The following PSPC1 variants were observed in gnomAD, a reference collection of about 807,000 sequenced individuals.
PSPC1 encodes paraspeckle component 1.
A neutral mutation model predicts 51.6 loss-of-function variants in PSPC1; 14 were observed. That is an observed-to-expected ratio of 0.27 (90% CI 0.18 to 0.42). PSPC1 has a LOEUF of 0.42. Among genes scored for constraint, PSPC1 ranks in the 10% least tolerant of loss-of-function variants. The pLI, the probability that PSPC1 is intolerant of heterozygous loss-of-function variation, is 1.00. For synonymous variants in PSPC1, 193 were observed against 231.9 expected (o/e 0.83, Z 1.53); for missense variants, 406 against 701.1 (o/e 0.58, Z 4.75).
rs1882901668 is a variant in PSPC1, at chr13:19,722,584, AGG to A, written c.1158+7653_1158+7654del. ...TGAGGTAGGTGGATCACCTGAGGACAGGGGTTCGAGACCAGCCTGGCCAACAC... is the reference window on the plus strand; with the variant it reads ...TGAGGTAGGTGGATCACCTGAGGACAGGTTCGAGACCAGCCTGGCCAACAC... On this transcript the variant is annotated intron_variant, in intron 6 of 8. Transcript: ENST00000338910. Among the ~76,000 whole-genome samples, 4 of 152,198 alleles carry A rather than the reference AGG, an allele frequency of 2.6e-5. No individual in the cohort carries two copies. In the South Asian group the frequency reaches 8.3e-4, roughly 31 times the overall value.
At chr13:19,757,403 C>T (rs560335047) in intron 3 of PSPC1, among the ~76,000 whole-genome samples, 2 of 152,266 alleles carry the variant, frequency 1.3e-5, no homozygotes, top group South Asian at 4.1e-4. Context: ...GTTCCGTGAT[C>T]CCCAATAGGT....
At chr13:19,768,375 T>C (rs974608002) in intron 2 of PSPC1, among the ~76,000 whole-genome samples, 41 of 151,766 alleles carry the variant, frequency 2.7e-4, no homozygotes, top group African/African-American at 9.7e-4. Flanking sequence ...GGGACGGGCG[T>C]GGTGGCTCAC....
chr13:19,691,920 AAAAG>A (rs1353941543), intron 6 of PSPC1, among the ~76,000 whole-genome samples: 1 of 152,162 alleles, frequency 6.6e-6, no homozygotes. Context: ...CCCATCTCAA[AAAAG>A]AGAGACCTAC....
At chr13:19,696,702 T>C (rs141081644) in intron 6 of PSPC1, among the ~76,000 whole-genome samples, 1 of 152,280 alleles carries the variant, frequency 6.6e-6, no homozygotes, top group African/African-American at 2.4e-5. Flanking sequence ...ATATTCACCA[T>C]GAGGGTAAGT....
chr13:19,782,335 C>T lies in PSPC1; in HGVS notation c.372+51G>A, dbSNP rs768223136. The T allele has an allele frequency of 3.3e-6, 5 of 1,520,936 alleles. No individual in the cohort carries two copies. In the East Asian group the frequency reaches 7.2e-5, roughly 22 times the overall value. 94.2% of individuals were successfully genotyped at this position (1,520,936 alleles called of 1,614,324 possible). On this transcript the variant is annotated intron_variant, in intron 1 of 8. Coordinates refer to ENST00000338910, the MANE Select transcript of PSPC1 (RefSeq NM_001354909.2). The surrounding 1 kb of genome is among the most constrained non-coding windows in gnomAD (Gnocchi z 4.5). Reference sequence around the variant, plus strand: ...GGCTGGCCTCAGCCCCACGACCCCGCGGCCACCCCGACAGTCCTTTTGTTC... The same window carrying T: ...GGCTGGCCTCAGCCCCACGACCCCGTGGCCACCCCGACAGTCCTTTTGTTC...
intron 6 of PSPC1, among the ~76,000 whole-genome samples, chr13:19,681,395 G>A (rs904669123): frequency 6.6e-6 from 1 of 151,528 alleles, no homozygotes; most frequent in Non-Finnish European, 1.5e-5. Context: ...TATATATTAT[G>A]TAATATATAA....
chr13:19,782,627 T>C lies in PSPC1; in HGVS notation c.131A>G (p.Glu44Gly), dbSNP rs1890096915. Residue 44 changes from glutamate to glycine, a missense_variant, in exon 1 of 9, where the codon GAG (glutamate) becomes GGG (glycine). By Grantham distance (98) the Glu-to-Gly change is moderately conservative (BLOSUM62 -2). This residue lies in a region of PSPC1 where 128 missense variants were observed against 107.1 expected (regional missense o/e 1.20). Transcript: ENST00000338910. This position sits in a 1 kb window ranked among gnomAD's most constrained non-coding sequence, Gnocchi z 4.5. ...AAAMALALAG[E>G]PAPPAPAPPE... ...AGGCGCGGGCGCGGGCGGTGCCGGCTCCCCGGCAAGAGCGAGCGCCATGGC... is the reference window on the plus strand; with the variant it reads ...AGGCGCGGGCGCGGGCGGTGCCGGCCCCCCGGCAAGAGCGAGCGCCATGGC... 1.3e-6 allele frequency: 2 copies of C among 1,573,826 alleles called. No homozygotes were observed. Among genetic ancestry groups the C allele is most frequent in the Admixed American group, 1.9e-5 (1 of 53,580 alleles).
At chr13:19,778,425 A>G in intron 1 of PSPC1, among the ~76,000 whole-genome samples, 1 of 100,842 alleles carries the variant, frequency 9.9e-6, no homozygotes, top group African/African-American at 4.0e-5. Flanking sequence ...TCTCCCTCTC[A>G]TGCGGAGCCG....
intron 5 of PSPC1, among the ~76,000 whole-genome samples, chr13:19,741,292 T>C (rs1354472318): frequency 6.6e-6 from 1 of 152,100 alleles, no homozygotes; most frequent in East Asian, 1.9e-4. Context: ...TCTGGAAAAA[T>C]GGATATTCAC....
chr13:19,710,761 A>C (rs761183381), intron 6 of PSPC1, among the ~76,000 whole-genome samples: 1 of 152,324 alleles, frequency 6.6e-6, no homozygotes, highest in Non-Finnish European at 1.5e-5. Flanking sequence ...CTACGGTACA[A>C]CAAAAACACC....
At chr13:19,753,532 C>A (rs1886778173) in intron 3 of PSPC1, among the ~76,000 whole-genome samples, 1 of 152,168 alleles carries the variant, frequency 6.6e-6, no homozygotes, top group Non-Finnish European at 1.5e-5. Context: ...ACCCAGCCAA[C>A]TTTCAAGAAA....
rs772961839 is a variant in PSPC1, at chr13:19,772,236, A to T, written c.674+6T>A. 1 of 1,609,518 alleles carries T rather than the reference A, an allele frequency of 6.2e-7. No homozygotes were observed. The highest frequency in any genetic ancestry group is 1.1e-5 in the South Asian group (1 of 90,576). ...ATAGAAGAAGGACAAGATATTTAAA[A>T]CTTACGTTGTTAGCAAGAATGCCCC... On this transcript the variant is annotated splice_donor_region_variant and intron_variant, in intron 2 of 8. Coordinates refer to ENST00000338910, the MANE Select transcript of PSPC1 (RefSeq NM_001354909.2).
At chr13:19,701,030 C>T (rs1188846063), downstream of PSPC1, among the ~76,000 whole-genome samples, 6 of 152,282 alleles carry the variant, frequency 3.9e-5, no homozygotes, top group East Asian at 1.9e-4. Context: ...CTGCTCCCAG[C>T]GTAAACTTGG....
chr13:19,750,604 T>C (rs1886443668), intron 4 of PSPC1, among the ~76,000 whole-genome samples: 2 of 151,988 alleles, frequency 1.3e-5, no homozygotes, highest in African/African-American at 2.4e-5. Flanking sequence ...TAGCCAGCAT[T>C]TGTCCAAATT....
chr13:19,684,485 G>A (rs574234715), intron 6 of PSPC1, among the ~76,000 whole-genome samples: 1 of 152,100 alleles, frequency 6.6e-6, no homozygotes, highest in African/African-American at 2.4e-5. Flanking sequence ...AAAGCCACTG[G>A]AAACAAATTG....
At chr13:19,758,728 G>A (rs1033822545) in intron 3 of PSPC1, among the ~76,000 whole-genome samples, 3 of 151,692 alleles carry the variant, frequency 2.0e-5, no homozygotes, top group East Asian at 1.9e-4. Flanking sequence ...CCAGCTACTC[G>A]GGAGGCTGAG....
intron 6 of PSPC1, among the ~76,000 whole-genome samples, chr13:19,684,265 T>C (rs9506357): frequency 0.67 from 102,198 of 152,156 alleles, 36,790 homozygotes; most frequent in East Asian, 0.89. Context: ...AAACTACCAT[T>C]GATCACTGCA....
At chr13:19,781,758 T>C (rs1009459847) in intron 1 of PSPC1, among the ~76,000 whole-genome samples, 1 of 152,112 alleles carries the variant, frequency 6.6e-6, no homozygotes, top group Non-Finnish European at 1.5e-5. Context: ...CTGGGCAACA[T>C]AGCGAGACCC....
At chr13:19,712,397 T>C (rs1881553434) in intron 6 of PSPC1, among the ~76,000 whole-genome samples, 1 of 152,192 alleles carries the variant, frequency 6.6e-6, no homozygotes, top group Non-Finnish European at 1.5e-5. Flanking sequence ...ATAAACAATC[T>C]TTTTTATTGT....
Sources: gnomAD v4.1 joint callset for allele counts (sites outside exome capture counted in the v4.1 genomes callset) on GRCh38, gnomAD v4.1.1 for gene constraint, gnomAD v4.1.1 regional missense constraint, Gnocchi (gnomAD v3.1) non-coding constraint, MANE v1.5 for transcripts, NCBI Gene and HGNC (gene_info 2026-07-23, HGNC 2026-07-21) for gene names.